VRK2: variants seen among roughly 807,000 people sequenced by gnomAD.
The protein encoded by VRK2 is VRK serine/threonine kinase 2, also known as serine/threonine-protein kinase VRK2.
VRK2 carries 60 observed loss-of-function variants against 57.6 expected under a neutral mutation model. The ratio of observed to expected loss-of-function variants is 1.04; its 90% confidence interval spans 0.85 to 1.29. VRK2 has a LOEUF of 1.29. Ranked by LOEUF, VRK2 falls within the 50% of genes most tolerant of loss-of-function variation. VRK2 has a pLI of 0.00. For missense variants in VRK2, 705 were observed against 588.1 expected (o/e 1.20, Z -2.06); for synonymous variants, 231 against 199.2 (o/e 1.16, Z -1.35).
At chr2:57,917,215 A>C (rs1348553204) in intron 1 of VRK2, among the ~76,000 whole-genome samples, 1 of 152,164 alleles carries the variant, frequency 6.6e-6, no homozygotes, top group Non-Finnish European at 1.5e-5. Flanking sequence ...ACAAGAAACA[A>C]CATGTAGGAA....
chr2:57,914,162 A>T (rs1240992733), intron 1 of VRK2, among the ~76,000 whole-genome samples: 1 of 152,050 alleles, frequency 6.6e-6, no homozygotes, highest in Non-Finnish European at 1.5e-5. Context: ...ACAATTAAAT[A>T]CATCTGTATT....
At chr2:57,922,352 A>G (rs945582721) in intron 1 of VRK2, among the ~76,000 whole-genome samples, 2 of 151,978 alleles carry the variant, frequency 1.3e-5, no homozygotes, top group African/African-American at 4.8e-5. Context: ...GAAAAACTGT[A>G]TATGTTTAAA....
chr2:58,015,771 G>T (rs1465119665), intron 1 of VRK2, among the ~76,000 whole-genome samples: 1 of 152,044 alleles, frequency 6.6e-6, no homozygotes, highest in East Asian at 1.9e-4. Flanking sequence ...TATGTTTTGT[G>T]AGCCATTGCA....
chr2:57,917,802 G>A (rs1249716096), intron 1 of VRK2, among the ~76,000 whole-genome samples: 2 of 151,850 alleles, frequency 1.3e-5, no homozygotes, highest in African/African-American at 2.4e-5. Flanking sequence ...TGTTTTACAT[G>A]CAATCCCTAT....
chr2:57,924,739 C>T (rs778065819), intron 1 of VRK2, among the ~76,000 whole-genome samples: 23 of 151,914 alleles, frequency 1.5e-4, no homozygotes, highest in Non-Finnish European at 2.1e-4. Flanking sequence ...TCCAGTAATA[C>T]GTTGAATAAC....
chr2:57,925,664 G>C (rs914569374), intron 1 of VRK2, among the ~76,000 whole-genome samples: 1 of 150,010 alleles, frequency 6.7e-6, no homozygotes, highest in African/African-American at 2.4e-5. Flanking sequence ...TTGATCTTTT[G>C]AATTTTTTTC....
At chr2:57,939,364 C>A (rs1401733731) in intron 1 of VRK2, among the ~76,000 whole-genome samples, 2 of 152,080 alleles carry the variant, frequency 1.3e-5, no homozygotes, top group East Asian at 1.9e-4. Flanking sequence ...TTGTAAAGGG[C>A]TTCACTTTCA....
chr2:57,962,181 G>T (rs1671782153), intron 1 of VRK2, among the ~76,000 whole-genome samples: 1 of 152,140 alleles, frequency 6.6e-6, no homozygotes, highest in African/African-American at 2.4e-5. Flanking sequence ...GACTAGAAAG[G>T]ACTTCAGAGG....
chr2:57,980,272 T>C (rs1672381502), intron 1 of VRK2, among the ~76,000 whole-genome samples: 1 of 152,158 alleles, frequency 6.6e-6, no homozygotes, highest in Non-Finnish European at 1.5e-5. Flanking sequence ...TTTTTATTTT[T>C]GCCCTAATTT....
In VRK2 at chr2:58,122,682, C is replaced by G. The variant is rs547571165; in HGVS notation, c.544-419C>G. 3.9e-5 allele frequency among the ~76,000 whole-genome samples: 6 copies of G among 152,170 alleles called. No homozygotes were observed. The East Asian group carries it at 1.2e-3, about 29-fold the overall frequency. ...CATGTTGTTCAAGAATCAACTTTATCTTTTTAGAATGTTTGCTCTTATCTC... is the reference window on the plus strand; with the variant it reads ...CATGTTGTTCAAGAATCAACTTTATGTTTTTAGAATGTTTGCTCTTATCTC... On this transcript the variant is annotated intron_variant, in intron 7 of 12. Coordinates refer to ENST00000340157, the MANE Select transcript of VRK2 (RefSeq NM_006296.7).
At chr2:58,008,357 G>A (rs180712857) in intron 1 of VRK2, among the ~76,000 whole-genome samples, 11 of 152,106 alleles carry the variant, frequency 7.2e-5, no homozygotes, top group East Asian at 1.9e-4. Flanking sequence ...AGATGAAAAG[G>A]AAGGAAGGAA....
chr2:57,913,011 C>A (rs1296955084), intron 1 of VRK2, among the ~76,000 whole-genome samples: 1 of 152,172 alleles, frequency 6.6e-6, no homozygotes, highest in African/African-American at 2.4e-5. Flanking sequence ...AGGAAGTGGG[C>A]CTCCTCAGAC....
intron 12 of VRK2, among the ~76,000 whole-genome samples, chr2:58,157,714 C>T (rs180875835): frequency 4.5e-4 from 69 of 152,270 alleles, no homozygotes; most frequent in South Asian, 1.0e-3. Context: ...CTTTCTAATA[C>T]TCGAAGAATA....
chr2:57,957,294 T>A (rs1157981752), intron 1 of VRK2, among the ~76,000 whole-genome samples: 2 of 152,118 alleles, frequency 1.3e-5, no homozygotes, highest in Non-Finnish European at 2.9e-5. Context: ...AAGATACATT[T>A]TGAAAAATAA....
At chr2:58,089,411 C>T (rs900973921) in intron 6 of VRK2, among the ~76,000 whole-genome samples, 1 of 152,146 alleles carries the variant, frequency 6.6e-6, no homozygotes, top group Non-Finnish European at 1.5e-5. Flanking sequence ...TCCTTTGGAA[C>T]TTCAACTAAA....
At chr2:58,044,941 A>T (rs755629920), upstream of VRK2, among the ~76,000 whole-genome samples, 1 of 152,150 alleles carries the variant, frequency 6.6e-6, no homozygotes, top group East Asian at 1.9e-4. Context: ...ATACTGCTAA[A>T]TATCCTACAA....
chr2:57,942,096 C>T (rs1462036085), intron 1 of VRK2, among the ~76,000 whole-genome samples: 1 of 152,124 alleles, frequency 6.6e-6, no homozygotes, highest in African/African-American at 2.4e-5. Context: ...TTTTAAAGCA[C>T]TAATGAAACA....
At chr2:57,990,711 A>G (rs1456518810) in intron 1 of VRK2, among the ~76,000 whole-genome samples, 2 of 152,222 alleles carry the variant, frequency 1.3e-5, no homozygotes, top group African/African-American at 4.8e-5. Flanking sequence ...GCTGAGCACT[A>G]TTGTGAAAAT....
intron 1 of VRK2, among the ~76,000 whole-genome samples, chr2:57,921,194 A>AG (rs1247729980): frequency 6.6e-6 from 1 of 152,048 alleles, no homozygotes; most frequent in Non-Finnish European, 1.5e-5. Flanking sequence ...GCCACTTGCG[A>AG]GGCCCCTTCT....
Sources: allele counts gnomAD v4.1 joint callset (sites outside exome capture counted in the v4.1 genomes callset), GRCh38; gene constraint gnomAD v4.1.1; transcripts MANE v1.5; gene names NCBI Gene and HGNC (gene_info 2026-07-23, HGNC 2026-07-21).